Variants in CSMD1 observed in about 807,000 individuals in gnomAD.
CSMD1 encodes CUB and sushi domain-containing protein 1.
Under a neutral mutation model 417.5 loss-of-function variants are expected in CSMD1, and 213 were observed. That is an observed-to-expected ratio of 0.51 (90% confidence interval 0.46 to 0.57). The LOEUF (loss-of-function observed/expected upper bound fraction) is 0.57, where lower values mean the gene tolerates loss of function less well. CSMD1 is among the 20% of genes least tolerant of loss of function. The pLI, the probability that CSMD1 is intolerant of heterozygous loss-of-function variation, is 0.00. For missense variants in CSMD1, 6,923 were observed against 4,529.7 expected (o/e 1.53, Z -15.17); for synonymous variants, 2,862 against 1,736.8 (o/e 1.65, Z -16.11).
intron 68 of CSMD1, among the ~76,000 whole-genome samples, chr8:2,943,314 G>C: frequency 6.7e-6 from 1 of 149,950 alleles, no homozygotes; most frequent in East Asian, 2.0e-4. Flanking sequence ...TGCAACCTCT[G>C]TCTCCCAGGT....
Position 4,338,184 on chromosome 8 carries a change from G to C in CSMD1, c.415+81769C>G, listed in dbSNP as rs145672455. Reference sequence around the variant, plus strand: ...GAATTACAAAAATATTGGTACTAATGCAAGAGTTAGATTAGAGATGCATGT... The same window carrying C: ...GAATTACAAAAATATTGGTACTAATCCAAGAGTTAGATTAGAGATGCATGT... On this transcript the variant is annotated intron_variant, in intron 3 of 69. Coordinates refer to ENST00000635120, the MANE Select transcript of CSMD1 (RefSeq NM_033225.6). Among the ~76,000 whole-genome samples the C allele has an allele frequency of 9.9e-5, 15 of 152,184 alleles. No individual in the cohort carries two copies. The South Asian group carries it at 2.9e-3, about 29-fold the overall frequency.
At chr8:3,544,132 G>C (rs919371594) in intron 10 of CSMD1, among the ~76,000 whole-genome samples, 1 of 152,058 alleles carries the variant, frequency 6.6e-6, no homozygotes, top group Non-Finnish European at 1.5e-5. Context: ...AACGAGCCTG[G>C]GACGTGCTGG....
At chr8:3,633,170 T>C (rs1796867455) in intron 7 of CSMD1, among the ~76,000 whole-genome samples, 2 of 152,362 alleles carry the variant, frequency 1.3e-5, no homozygotes, top group South Asian at 4.1e-4. Flanking sequence ...TTAAACATCA[T>C]ATATGATGAA....
chr8:3,526,948 G>A (rs111862139), intron 10 of CSMD1, among the ~76,000 whole-genome samples: 5 of 152,202 alleles, frequency 3.3e-5, no homozygotes, highest in East Asian at 3.9e-4. Flanking sequence ...CTTTGTCAAT[G>A]AGTCTATGTT....
chr8:3,665,542 T>C (rs919640678), intron 7 of CSMD1, among the ~76,000 whole-genome samples: 1 of 152,044 alleles, frequency 6.6e-6, no homozygotes, highest in Admixed American at 6.6e-5. Flanking sequence ...GATATATATA[T>C]TTGTCAGGAA....
chr8:4,369,936 A>G (rs1008567279), intron 3 of CSMD1, among the ~76,000 whole-genome samples: 1 of 152,204 alleles, frequency 6.6e-6, no homozygotes, highest in Non-Finnish European at 1.5e-5. Flanking sequence ...TTAGACATTT[A>G]ACCCATTTAC....
intron 2 of CSMD1, among the ~76,000 whole-genome samples, chr8:4,592,694 C>T (rs1289699257): frequency 6.6e-6 from 1 of 152,134 alleles, no homozygotes; most frequent in Non-Finnish European, 1.5e-5. Flanking sequence ...GCCTCTTTTC[C>T]TTATTTTTGA....
At chr8:3,359,768 G>T (rs530719175) in intron 20 of CSMD1, among the ~76,000 whole-genome samples, 1 of 152,162 alleles carries the variant, frequency 6.6e-6, no homozygotes, top group East Asian at 1.9e-4. Context: ...CCAACACAAA[G>T]AAATAATAAA....
chr8:4,496,392 G>C (rs1409082859), intron 2 of CSMD1, among the ~76,000 whole-genome samples: 1 of 152,106 alleles, frequency 6.6e-6, no homozygotes, highest in African/African-American at 2.4e-5. Context: ...GGGCTGGAGA[G>C]AGCTGATGAG....
At chr8:4,902,093 T>A (rs1018344228) in intron 1 of CSMD1, among the ~76,000 whole-genome samples, 2 of 152,138 alleles carry the variant, frequency 1.3e-5, no homozygotes, top group African/African-American at 4.8e-5. Context: ...TTTGTTGATT[T>A]TCATCTTTTC....
chr8:4,228,621 C>T (rs1208166147), intron 3 of CSMD1, among the ~76,000 whole-genome samples: 1 of 146,256 alleles, frequency 6.8e-6, no homozygotes, highest in Admixed American at 6.9e-5. Flanking sequence ...CCTCACTTCC[C>T]AAGTAACTTT....
rs112549908 is a variant in CSMD1, at chr8:4,447,092, T to C, written c.303-27027A>G. Among the ~76,000 whole-genome samples the C allele has an allele frequency of 8.1e-3, 1,234 of 152,222 alleles. 6 individuals are homozygous for C. Among genetic ancestry groups the C allele is most frequent in the Non-Finnish European group, 0.014 (933 of 68,002 alleles). On this transcript the variant is annotated intron_variant, in intron 2 of 69. Coordinates refer to ENST00000635120, the MANE Select transcript of CSMD1 (RefSeq NM_033225.6). Reference sequence around the variant, plus strand: ...TAGCCTCAGTTATGACAGCGTCTCTTTGGGAAAAGGTACTTACTTAAATGT... The same window carrying C: ...TAGCCTCAGTTATGACAGCGTCTCTCTGGGAAAAGGTACTTACTTAAATGT...
intron 3 of CSMD1, among the ~76,000 whole-genome samples, chr8:4,360,590 C>T (rs932645222): frequency 7.9e-5 from 12 of 152,094 alleles, no homozygotes; most frequent in South Asian, 4.1e-4. Flanking sequence ...CCCAGGTTCA[C>T]GTCATTCTCC....
intron 1 of CSMD1, among the ~76,000 whole-genome samples, chr8:4,935,723 C>A (rs1001323888): frequency 6.6e-6 from 1 of 152,132 alleles, no homozygotes; most frequent in Non-Finnish European, 1.5e-5. Context: ...GGCGTGCAGG[C>A]ATTTTGATAG....
At chr8:3,333,570 G>T in intron 23 of CSMD1, among the ~76,000 whole-genome samples, 1 of 152,198 alleles carries the variant, frequency 6.6e-6, no homozygotes, top group Admixed American at 6.5e-5. Context: ...TGCAATGCCA[G>T]GAGTAGATAT....
rs1255275500 is a variant in CSMD1 at position 4,993,273 on chromosome 8, T to C, written c.85+1059A>G. ...AAGAAAAACCCTTTGTAGATACAGA[T>C]ACTCCCGGGAACATCTATGGAAGTG... On this transcript the variant is annotated intron_variant, in intron 1 of 69. Coordinates refer to ENST00000635120, the MANE Select transcript of CSMD1 (RefSeq NM_033225.6). Among the ~76,000 whole-genome samples, 4 of 152,132 alleles carry C rather than the reference T, an allele frequency of 2.6e-5. No individual in the cohort carries two copies. In the East Asian group the frequency reaches 7.7e-4, roughly 29 times the overall value.
In CSMD1 at chr8:4,905,365, T is replaced by C. The variant is rs112966137; in HGVS notation, c.85+88967A>G. On this transcript the variant is annotated intron_variant, in intron 1 of 69. Transcript: ENST00000635120. ...CATTTCTTCTCATTAGACTCTTAGA[T>C]AGATTTATAAAATATATATATTTAC... 5.2e-3 allele frequency among the ~76,000 whole-genome samples: 739 copies of C among 141,268 alleles called. 11 individuals are homozygous for C. The highest frequency in any genetic ancestry group is 0.022 in the African/African-American group (700 of 32,190). 92.7% of individuals were successfully genotyped at this position (141,268 alleles called of 152,430 possible).
At chr8:3,808,300 A>G (rs1800863068) in intron 5 of CSMD1, among the ~76,000 whole-genome samples, 1 of 152,152 alleles carries the variant, frequency 6.6e-6, no homozygotes. Context: ...TGTTCTTTTT[A>G]TATTAATGGG....
At chr8:4,735,423 G>T (rs1308536926) in intron 1 of CSMD1, among the ~76,000 whole-genome samples, 1 of 152,062 alleles carries the variant, frequency 6.6e-6, no homozygotes, top group Non-Finnish European at 1.5e-5. Context: ...TTTCAGTAAG[G>T]GAGAGGATTA....
Sources: allele counts gnomAD v4.1 joint callset (sites outside exome capture counted in the v4.1 genomes callset), GRCh38; gene constraint gnomAD v4.1.1; transcripts MANE v1.5; gene names NCBI Gene and HGNC (gene_info 2026-07-23, HGNC 2026-07-21).